COL12A1: variants seen among roughly 807,000 people sequenced by gnomAD.
COL12A1 encodes collagen alpha-1(XII) chain.
Under a neutral mutation model 349.7 loss-of-function variants are expected in COL12A1, and 114 were observed. The ratio of observed to expected loss-of-function variants is 0.33; its 90% CI spans 0.28 to 0.38. The LOEUF (loss-of-function observed/expected upper bound fraction) is 0.38. COL12A1 is among the 10% of genes least tolerant of loss of function. The pLI is 1.00. For synonymous variants in COL12A1, 1,369 were observed against 1,329.0 expected (o/e 1.03, Z -0.66); for missense variants, 3,284 against 3,756.9 (o/e 0.87, Z 3.29).
At chr6:75,130,584 G>A (rs1766252210) in intron 36 of COL12A1, among the ~76,000 whole-genome samples, 1 of 151,938 alleles carries the variant, frequency 6.6e-6, no homozygotes, top group South Asian at 2.1e-4. Flanking sequence ...TAGAAAGAGG[G>A]AAAAAAAGAA....
chr6:75,141,868 G>C (rs1442096300), intron 27 of COL12A1, among the ~76,000 whole-genome samples, 164 bp downstream of exon 27: 1 of 151,952 alleles, frequency 6.6e-6, no homozygotes, highest in Non-Finnish European at 1.5e-5. Flanking sequence ...ATAGAAGATG[G>C]GACACCTTGT....
At chr6:75,187,726 AGAG>A (rs774006631) in intron 8 of COL12A1, among the ~76,000 whole-genome samples, 1 of 152,158 alleles carries the variant, frequency 6.6e-6, no homozygotes, top group African/African-American at 2.4e-5. Context: ...TCTCAAGCTG[AGAG>A]GAGAACAATG....
At position 75,142,139 on chromosome 6, in the gene COL12A1, G is replaced by A. The variant is rs1766924652; in HGVS notation, c.4850C>T (p.Thr1617Ile). ...GAAGAGGTCTTTGAGGGAAGTGCTG[G>A]TCTCTGATCTGTCCACCTCTACCTA... is the stretch of plus-strand genomic sequence containing the variant. ...VKEVEVDRSE[T>I]STSLKDLFSQ... Residue 1617 changes from threonine to isoleucine, a missense_variant, in exon 27 of 66, where the codon ACC becomes ATC. Thr to Ile is a moderately conservative substitution (Grantham distance 89). Transcript: ENST00000322507. 2.5e-6 allele frequency: 4 copies of A among 1,614,118 alleles called. No individual in the cohort carries two copies. Among genetic ancestry groups the A allele is most frequent in the Non-Finnish European group, 3.4e-6 (4 of 1,179,974 alleles).
At chr6:75,180,838 G>T in intron 11 of COL12A1, 101 bp downstream of exon 11, 2 of 1,352,450 alleles carry the variant, frequency 1.5e-6, no homozygotes, top group Non-Finnish European at 9.9e-7. Flanking sequence ...AAAGGCATTG[G>T]CAATTCTGAA....
chr6:75,149,652 G>A (rs549073197), intron 21 of COL12A1, among the ~76,000 whole-genome samples: 32 of 152,152 alleles, frequency 2.1e-4, no homozygotes, highest in African/African-American at 7.5e-4. Flanking sequence ...AACTCCATAA[G>A]CATGGCAAAT....
At position 75,137,515 on chromosome 6, in the gene COL12A1, C is replaced by T; in HGVS notation, c.5316G>A (p.Lys1772=). 1 of 1,613,832 alleles carries T rather than the reference C, an allele frequency of 6.2e-7. No individual in the cohort carries two copies. The highest frequency in any genetic ancestry group is 8.5e-7 in the Non-Finnish European group (1 of 1,179,818). ...GCACACGACCACTAGCAGGATCCCACTTAACAGTCAGGCTGTTAGATGTTG... is the reference window on the plus strand; with the variant it reads ...GCACACGACCACTAGCAGGATCCCATTTAACAGTCAGGCTGTTAGATGTTG... ...YNATSNSLTV[K]WDPASGRVQK... The change falls in exon 31 of 66, where the codon AAG becomes AAA. Residue 1772 remains lysine (K), a synonymous_variant. Coordinates refer to ENST00000322507, the MANE Select transcript of COL12A1 (RefSeq NM_004370.6).
chr6:75,181,395 C>A (rs911769301), intron 10 of COL12A1, among the ~76,000 whole-genome samples, 184 bp from the exon 11 acceptor site: 4 of 152,148 alleles, frequency 2.6e-5, no homozygotes, highest in Non-Finnish European at 4.4e-5. Flanking sequence ...AACTTACAAC[C>A]CAACAAGAGA....
At chr6:75,132,158 C>T in intron 34 of COL12A1, 76 bp from the exon 35 acceptor site, 1 of 1,517,498 alleles carries the variant, frequency 6.6e-7, no homozygotes, top group Non-Finnish European at 9.0e-7. Flanking sequence ...TTTTCCAGAA[C>T]CTACATTCTG....
At position 75,155,729 on chromosome 6, in the gene COL12A1, C is replaced by T; in HGVS notation, c.3376G>A (p.Asp1126Asn). 1.9e-6 allele frequency: 3 copies of T among 1,613,184 alleles called. 1 individual carries two copies. The highest frequency in any genetic ancestry group is 2.7e-5 in the African/African-American group (2 of 74,928). The part of the protein sequence containing the change: ...GYKVTFHPTG[D>N]DRRLGELVVG... ...ACTAACTCCCCCAGTCTTCTGTCAT[C>T]CCCCGTAGGGTGGAATGTGACTTTA... Residue 1126 changes from aspartate to asparagine, a missense_variant, in exon 16 of 66, where the codon GAT becomes AAT. Asp to Asn is a conservative substitution (Grantham distance 23). Around this residue, in one of 2 missense-constraint regions of COL12A1, gnomAD observed 2,601 missense variants for 2,824.8 expected, o/e 0.92. Coordinates refer to ENST00000322507, the MANE Select transcript of COL12A1 (RefSeq NM_004370.6).
intron 28 of COL12A1, 82 bp from the exon 29 acceptor site, chr6:75,138,662 C>T: frequency 1.3e-6 from 2 of 1,574,168 alleles, no homozygotes; most frequent in East Asian, 4.5e-5. Context: ...AGTTTATTCA[C>T]ATTATTTAGC....
chr6:75,155,041 ATGAT>A (rs999436127), intron 16 of COL12A1, among the ~76,000 whole-genome samples: 7 of 152,202 alleles, frequency 4.6e-5, no homozygotes, highest in African/African-American at 1.4e-4. Context: ...TCTTGAATGA[ATGAT>A]TGAAAAACAA....
chr6:75,124,702 C>T (rs956308981), intron 40 of COL12A1, among the ~76,000 whole-genome samples: 2 of 152,040 alleles, frequency 1.3e-5, no homozygotes, highest in Non-Finnish European at 2.9e-5. Context: ...GCAATGGTGA[C>T]CTTAAAATAT....
At chr6:75,134,943 G>T in intron 31 of COL12A1, 88 bp from the exon 32 acceptor site, 1 of 1,385,560 alleles carries the variant, frequency 7.2e-7, no homozygotes, top group Non-Finnish European at 9.7e-7. Context: ...CAGGGAAGCT[G>T]TTTGAGACCC....
intron 5 of COL12A1, among the ~76,000 whole-genome samples, chr6:75,190,630 G>T (rs1769879026): frequency 6.6e-6 from 1 of 151,846 alleles, no homozygotes. Context: ...GGTCAGGTTG[G>T]TTTTATGAAA....
chr6:75,201,698 A>G (rs767631968), intron 2 of COL12A1, among the ~76,000 whole-genome samples: 5 of 152,136 alleles, frequency 3.3e-5, no homozygotes, highest in Non-Finnish European at 7.4e-5. Flanking sequence ...CTAATTTGTC[A>G]GGTCTCCAGT....
At position 75,113,656 on chromosome 6, in the gene COL12A1, T is replaced by C. The variant is rs35710072; in HGVS notation, c.7786A>G (p.Ile2596Val). 15,213 of 1,608,682 alleles carry C rather than the reference T, an allele frequency of 9.5e-3. 1,180 individuals carry two copies. The African/African-American group carries it at 0.17, about 18-fold the overall frequency. ...LPETPSDPFAIWQITDRDYKP... is the reference protein window; with the variant it reads ...LPETPSDPFAVWQITDRDYKP... ...TAGTCTCTGTCTGTGATTTGCCAAA[T>C]TGCAAAAGGGTCACTGGGAGTTTCT... Residue 2596 changes from isoleucine (I) to valine (V), a missense_variant, in exon 50 of 66, where the codon ATT (isoleucine) becomes GTT (valine). Around this residue, in one of 2 missense-constraint regions of COL12A1, gnomAD observed 683 missense variants for 932.1 expected, o/e 0.73. Transcript: ENST00000322507.
chr6:75,191,686 A>G lies in COL12A1; in HGVS notation c.394+15T>C. 6.3e-7 allele frequency: 1 copy of G among 1,584,700 alleles called. No homozygotes were observed. The highest frequency in any genetic ancestry group is 8.6e-7 in the Non-Finnish European group (1 of 1,164,924). On this transcript the variant is annotated intron_variant, in intron 5 of 65. Transcript: ENST00000322507. ...TTCCATGAATCTAAGCAAAAATAGT[A>G]AGAGAAACACTCACTTTGTATCTCG...
chr6:75,131,568 A>G (rs1200790432), intron 35 of COL12A1, among the ~76,000 whole-genome samples: 2 of 152,208 alleles, frequency 1.3e-5, no homozygotes, highest in East Asian at 3.8e-4. Context: ...GCAATTTCTG[A>G]TTTCTAAATT....
Position 75,189,536 on chromosome 6 carries a change from A to T in COL12A1, c.658+16T>A. 5 of 1,597,252 alleles carry T rather than the reference A, an allele frequency of 3.1e-6. No homozygotes were observed. The highest frequency in any genetic ancestry group is 4.3e-6 in the Non-Finnish European group (5 of 1,173,088). On this transcript the variant is annotated intron_variant, in intron 6 of 65. Transcript: ENST00000322507. Reference sequence around the variant, plus strand: ...TTTCATTTATTTTTAACTTTAAAAAAATCTGTAGAACATACCTGTCATTGT... The same window carrying T: ...TTTCATTTATTTTTAACTTTAAAAATATCTGTAGAACATACCTGTCATTGT...
Sources: allele counts gnomAD v4.1 joint callset (sites outside exome capture counted in the v4.1 genomes callset), GRCh38; gene constraint gnomAD v4.1.1; regional missense constraint gnomAD v4.1.1; transcripts MANE v1.5; gene names NCBI Gene and HGNC (gene_info 2026-07-23, HGNC 2026-07-21).